Variants in TNRC6A observed in about 807,000 individuals in gnomAD.
The protein encoded by TNRC6A is trinucleotide repeat containing adaptor 6A.
In TNRC6A, 44 loss-of-function variants were observed where a neutral mutation model predicts 221.2. The ratio of observed to expected loss-of-function variants is 0.20; its 90% CI spans 0.16 to 0.26. The LOEUF is 0.26. Ranked by LOEUF, TNRC6A falls within the 10% of genes least tolerant of loss-of-function variation. The pLI, the probability that TNRC6A is intolerant of heterozygous loss-of-function variation, is 1.00. For synonymous variants in TNRC6A, 847 were observed against 838.5 expected, an observed-to-expected ratio of 1.01 and a Z score of -0.18; for missense variants, 2,199 against 2,404.4, an observed-to-expected ratio of 0.91 and a Z score of 1.79.
At position 24,823,669 on chromosome 16, in the gene TNRC6A, A is replaced by G; in HGVS notation, c.5751A>G (p.Ser1917=). 1 of 1,610,196 alleles carries G rather than the reference A, an allele frequency of 6.2e-7. No homozygotes were observed. Residue 1917 remains serine (S), a synonymous_variant, in exon 25 of 25, where the codon TCA becomes TCG. Coordinates refer to ENST00000395799, the MANE Select transcript of TNRC6A (RefSeq NM_014494.4). This position sits in a 1 kb window ranked among gnomAD's most constrained non-coding sequence, Gnocchi z 4.3. ...GTNCGDLHGT[S]LWGTPHYSTS... is the part of the protein sequence containing the mutation. ...ACTGTGGAGACCTTCACGGCACTTC[A>G]CTCTGGGGGACCCCGCATTATTCCA...
At chr16:24,646,175 T>A (rs1172997629) in intron 2 of TNRC6A, among the ~76,000 whole-genome samples, 15 of 152,204 alleles carry the variant, frequency 9.9e-5, no homozygotes, top group Non-Finnish European at 2.9e-5. Flanking sequence ...ATTTATCTCA[T>A]TTCATATACA....
chr16:24,746,827 G>A (rs759841904), intron 2 of TNRC6A, among the ~76,000 whole-genome samples: 5 of 152,262 alleles, frequency 3.3e-5, no homozygotes, highest in East Asian at 3.9e-4. Context: ...GTCAGGAGGC[G>A]CAAGAGTAGG....
At chr16:24,688,178 A>G (rs1341277206) in intron 2 of TNRC6A, among the ~76,000 whole-genome samples, 1 of 151,100 alleles carries the variant, frequency 6.6e-6, no homozygotes, top group Non-Finnish European at 1.5e-5. Context: ...TGACCTCGTG[A>G]TCTGCTGATC....
At chr16:24,785,251 C>T (rs2057941405) in intron 5 of TNRC6A, among the ~76,000 whole-genome samples, 1 of 152,176 alleles carries the variant, frequency 6.6e-6, no homozygotes, top group Non-Finnish European at 1.5e-5. Context: ...GGGTTACTTC[C>T]CCACTTGCTT....
At position 24,685,157 on chromosome 16, in the gene TNRC6A, GTCT is replaced by G. The variant is rs2055602016; in HGVS notation, n.402+44153_402+44155del. On this transcript the variant is annotated intron_variant and non_coding_transcript_variant, in intron 2 of 2. Coordinates refer to the TNRC6A transcript ENST00000566108. ...GCTGTGTGATCCTAGAATTGCGTTTGTCTTCTTTTCTATGATACTTCCGGGGCC... is the reference window on the plus strand; with the variant it reads ...GCTGTGTGATCCTAGAATTGCGTTTGTCTTTTCTATGATACTTCCGGGGCC... Among the ~76,000 whole-genome samples the G allele has an allele frequency of 9.2e-5, 14 of 152,230 alleles. No individual in the cohort carries two copies. In the South Asian group the frequency reaches 2.9e-3, roughly 32 times the overall value.
Position 24,823,544 on chromosome 16 carries a change from G to C in TNRC6A, c.5626G>C (p.Gly1876Arg), listed in dbSNP as rs747960863. ...LTPSPGWQSL[G>R]SSQSRLGSLD... ...CCCTTCTCCCGGCTGGCAGTCTCTC[G>C]GGTCCAGCCAGAGCCGGCTGGGCTC... The change falls in exon 25 of 25, where the codon GGG becomes CGG. Residue 1876 changes from glycine (G) to arginine (R), a missense_variant. By Grantham distance (125) the Gly-to-Arg change is moderately radical. Around this residue, in one of 8 missense-constraint regions of TNRC6A, gnomAD observed 130 missense variants for 121.7 expected, o/e 1.07. Transcript: ENST00000395799. The surrounding 1 kb of genome is among the most constrained non-coding windows in gnomAD (Gnocchi z 4.3). The C allele has an allele frequency of 3.7e-6, 6 of 1,614,038 alleles. No individual in the cohort carries two copies. In the Admixed American group the frequency reaches 8.3e-5, roughly 22 times the overall value.
At chr16:24,778,295 T>C (rs949517033) in intron 5 of TNRC6A, 1 of 985,082 alleles carries the variant, frequency 1.0e-6, no homozygotes, top group Non-Finnish European at 1.2e-6. Context: ...CTCTCTTTTA[T>C]ATACCAAGAA....
At chr16:24,806,462 T>G (rs1038452526) in intron 16 of TNRC6A, 112 bp from the exon 17 acceptor site, 77 of 1,407,230 alleles carry the variant, frequency 5.5e-5, no homozygotes, top group Non-Finnish European at 7.2e-5. Context: ...ATACAGTGAT[T>G]ATTCACCTTT....
In TNRC6A at chr16:24,772,159, C is replaced by G. The variant is rs564842780; in HGVS notation, c.164-4774C>G. Among the ~76,000 whole-genome samples, 3 of 152,254 alleles carry G rather than the reference C, an allele frequency of 2.0e-5. No homozygotes were observed. The East Asian group carries it at 5.8e-4, about 29-fold the overall frequency. On this transcript the variant is annotated intron_variant, in intron 4 of 24. Coordinates refer to ENST00000395799, the MANE Select transcript of TNRC6A (RefSeq NM_014494.4). ...TAGATTGTACATAGTATTTTCTTGTCTTTTGGTAATCTCCACGTTTGAATT... is the reference window on the plus strand; with the variant it reads ...TAGATTGTACATAGTATTTTCTTGTGTTTTGGTAATCTCCACGTTTGAATT...
chr16:24,705,154 G>A (rs1006034758), intron 2 of TNRC6A, among the ~76,000 whole-genome samples: 2 of 152,056 alleles, frequency 1.3e-5, no homozygotes, highest in Admixed American at 6.6e-5. Context: ...AACCCTTTGA[G>A]CTAGATGCTA....
At chr16:24,723,548 C>G (rs556952941) in intron 2 of TNRC6A, among the ~76,000 whole-genome samples, 126 of 149,068 alleles carry the variant, frequency 8.5e-4, no homozygotes, top group African/African-American at 3.0e-3. Context: ...GAGCCAAGAA[C>G]GTACCACTGC....
intron 3 of TNRC6A, among the ~76,000 whole-genome samples, chr16:24,752,398 A>C (rs1429306371): frequency 6.6e-6 from 1 of 152,096 alleles, no homozygotes; most frequent in Non-Finnish European, 1.5e-5. Context: ...TTAGGGGAGG[A>C]GAATTAAGTA....
chr16:24,651,475 T>G (rs968620358), intron 2 of TNRC6A, among the ~76,000 whole-genome samples: 2 of 142,474 alleles, frequency 1.4e-5, no homozygotes, highest in South Asian at 2.2e-4. Flanking sequence ...GAGGCGGAGG[T>G]TGCGGTGAGC....
At chr16:24,780,126 G>A (rs1261131298) in intron 5 of TNRC6A, among the ~76,000 whole-genome samples, 1 of 152,184 alleles carries the variant, frequency 6.6e-6, no homozygotes, top group African/African-American at 2.4e-5. Context: ...ATAGGCCAAA[G>A]TGTTCTATCC....
At chr16:24,701,271 T>G (rs2055968634) in intron 2 of TNRC6A, among the ~76,000 whole-genome samples, 2 of 152,092 alleles carry the variant, frequency 1.3e-5, no homozygotes, top group Non-Finnish European at 1.5e-5. Context: ...TCACTGCCAC[T>G]AAGAATTCAC....
rs2058038914 is a variant in TNRC6A, at chr16:24,789,148, A to G, written c.590-84A>G. On this transcript the variant is annotated intron_variant, in intron 5 of 24. Transcript: ENST00000395799. ...TTGAGGAGCCACATATATTTATAAC[A>G]TATTCGTCATTTTTCTTAGATTTTA... is the stretch of plus-strand genomic sequence containing the variant. 15 of 1,327,992 alleles carry G rather than the reference A, an allele frequency of 1.1e-5. No homozygotes were observed. The South Asian group carries it at 2.1e-4, about 19-fold the overall frequency. 82.3% of individuals were successfully genotyped at this position (1,327,992 alleles called of 1,614,324 possible). A position where few individuals can be genotyped will look rare whatever the true frequency, so the allele number is the denominator to read the frequency against.
chr16:24,730,068 C>G (rs2056588043), intron 1 of TNRC6A, among the ~76,000 whole-genome samples, 185 bp from the exon 2 acceptor site: 1 of 149,420 alleles, frequency 6.7e-6, no homozygotes, highest in African/African-American at 2.4e-5. Flanking sequence ...TTGCGCCTCG[C>G]CCGCGCCGCG....
intron 4 of TNRC6A, among the ~76,000 whole-genome samples, chr16:24,769,033 C>T (rs1445241901): frequency 1.3e-5 from 2 of 152,112 alleles, no homozygotes; most frequent in Non-Finnish European, 2.9e-5. Context: ...GTATTTTAAA[C>T]ATTTAAAGAA....
rs1005805833 is a variant in TNRC6A, at chr16:24,791,600, C to G, written c.2958C>G (p.Gly986=). Residue 986 remains glycine (G), a synonymous_variant, in exon 6 of 25, where the codon GGC becomes GGG. Coordinates refer to ENST00000395799, the MANE Select transcript of TNRC6A (RefSeq NM_014494.4). ...PAPAKEEEPT[G]WEEPSPESIR... Reference sequence around the variant, plus strand: ...CAGCAAAAGAAGAAGAACCCACAGGCTGGGAGGAACCATCCCCAGAATCTA... The same window carrying G: ...CAGCAAAAGAAGAAGAACCCACAGGGTGGGAGGAACCATCCCCAGAATCTA... 7 of 1,600,092 alleles carry G rather than the reference C, an allele frequency of 4.4e-6. No homozygotes were observed. The highest frequency in any genetic ancestry group is 5.1e-6 in the Non-Finnish European group (6 of 1,174,128).
Sources: gnomAD v4.1 joint callset for allele counts (sites outside exome capture counted in the v4.1 genomes callset) on GRCh38, gnomAD v4.1.1 for gene constraint, gnomAD v4.1.1 regional missense constraint, Gnocchi (gnomAD v3.1) non-coding constraint, MANE v1.5 for transcripts, NCBI Gene and HGNC (gene_info 2026-07-23, HGNC 2026-07-21) for gene names.